LZTR1: variants seen among roughly 807,000 people sequenced by gnomAD.
The protein encoded by LZTR1 is leucine zipper like post translational regulator 1.
Under a neutral mutation model 105.7 loss-of-function variants are expected in LZTR1, and 260 were observed. That is an observed-to-expected ratio of 2.46 (90% confidence interval 2.22 to 2.72). LZTR1 has a LOEUF of 2.72. LZTR1 is among the 30% of genes most tolerant of loss of function. The pLI, the probability that LZTR1 is intolerant of heterozygous loss-of-function variation, is 0.00. For missense variants in LZTR1, 1,214 were observed against 1,166.9 expected (o/e 1.04, Z -0.59); for synonymous variants, 490 against 476.4 (o/e 1.03, Z -0.37).
intron 2 of LZTR1, among the ~76,000 whole-genome samples, chr22:20,984,735 A>G (rs982554698): frequency 6.6e-6 from 1 of 152,038 alleles, no homozygotes; most frequent in African/African-American, 2.4e-5. Flanking sequence ...TGGAGGTGAG[A>G]GAGCACCCAC....
intron 20 of LZTR1, 86 bp downstream of exon 20, chr22:20,997,052 C>A (rs748149046): frequency 1.6e-5 from 22 of 1,407,588 alleles, no homozygotes; most frequent in Admixed American, 5.2e-5. Context: ...GCTCTGTGGT[C>A]CCCTGCAGTG....
intron 5 of LZTR1, among the ~76,000 whole-genome samples, chr22:20,988,345 C>CTA (rs1348248434): frequency 6.6e-6 from 1 of 152,192 alleles, no homozygotes; most frequent in Non-Finnish European, 1.5e-5. Context: ...TGGCGCATGC[C>CTA]TGTAGTCCTA....
Position 20,990,194 on chromosome 22 carries a change from C to A in LZTR1, c.652-192C>A, listed in dbSNP as rs552866831. Reference sequence around the variant, plus strand: ...TGATTTAACCCTGACGATTTTAACCCCAGCTGTTCACAACTGGGCCCCGTG... The same window carrying A: ...TGATTTAACCCTGACGATTTTAACCACAGCTGTTCACAACTGGGCCCCGTG... On this transcript the variant is annotated intron_variant, in intron 7 of 20. Transcript: ENST00000646124. 3.3e-5 allele frequency among the ~76,000 whole-genome samples: 5 copies of A among 152,232 alleles called. No individual in the cohort carries two copies. In the South Asian group the frequency reaches 1.0e-3, roughly 32 times the overall value.
chr22:20,996,885 G>C lies in LZTR1; in HGVS notation c.2326-1G>C. 1 of 1,612,140 alleles carries C rather than the reference G, an allele frequency of 6.2e-7. No homozygotes were observed. The highest frequency in any genetic ancestry group is 2.2e-5 in the East Asian group (1 of 44,824). ...GCGCCTCAAGGTCCCTGCCATTGCA[G>C]ATCCTGGAGGCAGCTGACAAAACGC... On this transcript the variant is annotated splice_acceptor_variant, in intron 19 of 20. Coordinates refer to ENST00000646124, the MANE Select transcript of LZTR1 (RefSeq NM_006767.4). LOFTEE classifies it high-confidence loss of function.
chr22:20,993,265 G>A (rs894413631), intron 11 of LZTR1: 1 of 416,574 alleles, frequency 2.4e-6, no homozygotes, highest in South Asian at 3.0e-5. Context: ...AGGAGCAGGT[G>A]GTCAGGGCAG....
Position 20,994,141 on chromosome 22 carries a change from CCCCCG to C in LZTR1, c.1488_1492del (p.Pro497ArgfsTer170). 1 of 1,589,874 alleles carries C rather than the reference CCCCCG, an allele frequency of 6.3e-7. No homozygotes were observed. The highest frequency in any genetic ancestry group is 1.1e-5 in the South Asian group (1 of 88,990). On this transcript the variant is annotated frameshift_variant, in exon 14 of 21. Coordinates refer to ENST00000646124, the MANE Select transcript of LZTR1 (RefSeq NM_006767.4). LOFTEE classifies it high-confidence loss of function. ...GAGGCCGCCCCAGTTCCCAGGGAGG[CCCCCG>C]GCGTGGCTGCTGGTGGGGCCCGGCC...
chr22:20,995,512 TG>T (rs768762867), intron 16 of LZTR1: 173 of 697,482 alleles, frequency 2.5e-4, no homozygotes, highest in Non-Finnish European at 2.5e-4. Flanking sequence ...GCAAGCTGGG[TG>T]GAAGATGAGA....
rs751224673 is a variant in LZTR1, at chr22:20,990,530, G to A, written c.791+5G>A. 6 of 1,607,010 alleles carry A rather than the reference G, an allele frequency of 3.7e-6. No homozygotes were observed. The highest frequency in any genetic ancestry group is 1.1e-5 in the South Asian group (1 of 90,044). On this transcript the variant is annotated splice_donor_5th_base_variant and intron_variant, in intron 8 of 20. Transcript: ENST00000646124. ...GTTTGAATTCAAGGACAAGACGTGAGTACTCTGGCCAGTGGGGTGGAGGGA... is the reference window on the plus strand; with the variant it reads ...GTTTGAATTCAAGGACAAGACGTGAATACTCTGGCCAGTGGGGTGGAGGGA...
intron 18 of LZTR1, chr22:20,996,378 T>C: frequency 6.7e-6 from 4 of 595,202 alleles, no homozygotes; most frequent in Non-Finnish European, 1.2e-5. Flanking sequence ...TTGCTTTGTG[T>C]GACAGTTGAG....
At chr22:20,996,241 T>G (rs1924841788) in intron 18 of LZTR1, 129 bp downstream of exon 18, 2 of 1,051,478 alleles carry the variant, frequency 1.9e-6, no homozygotes, top group South Asian at 1.5e-5. Context: ...TCCAGAGGGT[T>G]TGCTGGTGCC....
At chr22:20,992,684 C>T (rs1347281948) in intron 10 of LZTR1, 110 bp from the exon 11 acceptor site, 2 of 743,702 alleles carry the variant, frequency 2.7e-6, no homozygotes, top group African/African-American at 1.7e-5. Flanking sequence ...ACCCTGCCCC[C>T]TGGCCCTTCA....
intron 2 of LZTR1, among the ~76,000 whole-genome samples, chr22:20,985,549 A>T (rs907934959): frequency 1.3e-5 from 2 of 148,420 alleles, no homozygotes; most frequent in South Asian, 4.1e-4. Context: ...GGGCCATTTC[A>T]TGCCTTCATG....
rs1461135179 is a variant in LZTR1, at chr22:20,994,173, C to T, written c.1519C>T (p.Pro507Ser). The T allele has an allele frequency of 1.9e-6, 3 of 1,600,090 alleles. No homozygotes were observed. The highest frequency in any genetic ancestry group is 2.6e-6 in the Non-Finnish European group (3 of 1,175,482). Residue 507 changes from proline to serine, a missense_variant, in exon 14 of 21, where the codon CCC becomes TCC. By Grantham distance (74) the Pro-to-Ser change is moderately conservative. Transcript: ENST00000646124. ...PGVAAGGARP[P>S]LLHVAIREAE... is the part of the protein sequence containing the mutation. ...CGTGGCTGCTGGTGGGGCCCGGCCG[C>T]CCCTGCTGCACGTGGCCATCCGGGA...
At chr22:20,992,110 T>C in intron 9 of LZTR1, 104 bp from the exon 10 acceptor site, 1 of 1,190,980 alleles carries the variant, frequency 8.4e-7, no homozygotes. Flanking sequence ...ATGCAGCTCT[T>C]CCTTCTTTCA....
chr22:20,991,874 T>G (rs770274839), intron 9 of LZTR1, 45 bp downstream of exon 9: 1 of 1,496,164 alleles, frequency 6.7e-7, no homozygotes, highest in Non-Finnish European at 9.0e-7. Flanking sequence ...TGGACACCAG[T>G]AGCTCCTACC....
chr22:20,985,377 T>C (rs1214254058), intron 2 of LZTR1, among the ~76,000 whole-genome samples: 8 of 151,536 alleles, frequency 5.3e-5, no homozygotes, highest in Admixed American at 5.2e-4. Flanking sequence ...TCTATTTCTT[T>C]TTTTTAAGAA....
Position 20,985,803 on chromosome 22 carries a change from C to T in LZTR1, c.264-38C>T, listed in dbSNP as rs771759209. On this transcript the variant is annotated intron_variant, in intron 2 of 20. Transcript: ENST00000646124. The stretch of plus-strand genomic sequence containing the variant: ...ATCTCTGGGGTCACTGCAGAGTAGA[C>T]CTGGCTAATGCCACCCTCTCTTCCG... 1.2e-5 allele frequency: 19 copies of T among 1,606,302 alleles called. No homozygotes were observed. In the Admixed American group the frequency reaches 1.3e-4, roughly 11 times the overall value.
At position 20,995,845 on chromosome 22, in the gene LZTR1, A is replaced by C. The variant is rs766706053; in HGVS notation, c.2042A>C (p.His681Pro). The change falls in exon 17 of 21, where the codon CAC becomes CCC. Residue 681 changes from histidine to proline, a missense_variant. By Grantham distance (77) the His-to-Pro change is moderately conservative (BLOSUM62 -2). Transcript: ENST00000646124. ...LLLDGHPRPA[H>P]KAILAARSSY... Reference sequence around the variant, plus strand: ...CTTGACGGGCACCCACGGCCAGCCCACAAGGCTATCCTGGCCGCCCGCTCC... The same window carrying C: ...CTTGACGGGCACCCACGGCCAGCCCCCAAGGCTATCCTGGCCGCCCGCTCC... The C allele has an allele frequency of 6.2e-7, 1 of 1,613,094 alleles. No homozygotes were observed. Among genetic ancestry groups the C allele is most frequent in the Non-Finnish European group, 8.5e-7 (1 of 1,179,960 alleles).
Position 20,987,994 on chromosome 22 carries a change from C to T in LZTR1, c.401-16C>T. ...CTGCCCTTTGGGTTTGACAGTTTCT[C>T]ACTCTCTTTACTCAGGGGGTTACAC... On this transcript the variant is annotated splice_polypyrimidine_tract_variant and intron_variant, in intron 4 of 20. Coordinates refer to ENST00000646124, the MANE Select transcript of LZTR1 (RefSeq NM_006767.4). 2.0e-6 allele frequency: 3 copies of T among 1,467,364 alleles called. No individual in the cohort carries two copies. The highest frequency in any genetic ancestry group is 1.2e-5 in the South Asian group (1 of 86,536). 90.9% of individuals were successfully genotyped at this position (1,467,364 alleles called of 1,614,324 possible).
Sources: gnomAD v4.1 joint callset for allele counts (sites outside exome capture counted in the v4.1 genomes callset) on GRCh38, gnomAD v4.1.1 for gene constraint, MANE v1.5 for transcripts, NCBI Gene and HGNC (gene_info 2026-07-23, HGNC 2026-07-21) for gene names.